Variants in ZNF385B observed in about 807,000 individuals in gnomAD.
The protein encoded by ZNF385B is zinc finger protein 385B, also known as zinc finger protein 533.
A neutral mutation model predicts 39.2 loss-of-function variants in ZNF385B; 23 were observed. That is an observed-to-expected ratio of 0.59 (90% CI 0.42 to 0.83). The LOEUF is 0.83. Ranked by LOEUF, ZNF385B falls within the 40% of genes least tolerant of loss-of-function variation. ZNF385B has a pLI of 0.00. For synonymous variants in ZNF385B, 205 were observed against 222.6 expected (o/e 0.92, Z 0.70); for missense variants, 552 against 598.9 (o/e 0.92, Z 0.82).
chr2:179,765,538 A>G (rs1703637300), intron 3 of ZNF385B, among the ~76,000 whole-genome samples: 1 of 152,212 alleles, frequency 6.6e-6, no homozygotes, highest in African/African-American at 2.4e-5. Flanking sequence ...TAGTTCATGC[A>G]GGAACTGTGA....
At chr2:179,637,041 G>A (rs1691824284) in intron 3 of ZNF385B, among the ~76,000 whole-genome samples, 1 of 152,144 alleles carries the variant, frequency 6.6e-6, no homozygotes, top group African/African-American at 2.4e-5. Context: ...CTCATAGCAA[G>A]TAATTTCTAG....
intron 3 of ZNF385B, among the ~76,000 whole-genome samples, chr2:179,555,890 C>T (rs1574776023): frequency 6.7e-6 from 1 of 149,234 alleles, no homozygotes; most frequent in East Asian, 1.9e-4. Flanking sequence ...CAGCAGCCAC[C>T]ATGGCAGCAG....
At chr2:179,824,250 G>A (rs1575558233) in intron 1 of ZNF385B, among the ~76,000 whole-genome samples, 1 of 152,074 alleles carries the variant, frequency 6.6e-6, no homozygotes, top group Non-Finnish European at 1.5e-5. Context: ...AAAGGGATGG[G>A]GCACACTGAT....
intron 3 of ZNF385B, among the ~76,000 whole-genome samples, chr2:179,675,202 T>A (rs1696585823): frequency 6.6e-6 from 1 of 152,222 alleles, no homozygotes; most frequent in Non-Finnish European, 1.5e-5. Flanking sequence ...AAGAAAATCT[T>A]ATTTAGAAAA....
At chr2:179,576,558 C>T (rs1685840145) in intron 3 of ZNF385B, among the ~76,000 whole-genome samples, 1 of 152,186 alleles carries the variant, frequency 6.6e-6, no homozygotes, top group Non-Finnish European at 1.5e-5. Flanking sequence ...TATTCCTTCA[C>T]TTTGTTCCTG....
At chr2:179,823,664 T>C (rs1294973433) in intron 1 of ZNF385B, among the ~76,000 whole-genome samples, 1 of 152,168 alleles carries the variant, frequency 6.6e-6, no homozygotes, top group Admixed American at 6.5e-5. Flanking sequence ...CCTATAAATA[T>C]GCATTTGTCT....
At chr2:179,616,831 G>A (rs577022334) in intron 3 of ZNF385B, among the ~76,000 whole-genome samples, 1 of 152,170 alleles carries the variant, frequency 6.6e-6, no homozygotes, top group South Asian at 2.1e-4. Flanking sequence ...AAAATGCTGG[G>A]ATTATAGGCG....
chr2:179,443,541 A>G (rs547265109), intron 9 of ZNF385B, 73 bp from the exon 10 acceptor site: 12 of 1,171,550 alleles, frequency 1.0e-5, no homozygotes, highest in Admixed American at 6.1e-5. Context: ...GCATCTTTTC[A>G]TAAGTAAAAC....
chr2:179,724,393 G>A (rs529157154), intron 3 of ZNF385B, among the ~76,000 whole-genome samples: 106 of 152,216 alleles, frequency 7.0e-4, no homozygotes, highest in African/African-American at 2.4e-3. Context: ...TATCAAGAAC[G>A]AAATCTACAG....
At chr2:179,755,146 G>A (rs1197567461) in intron 3 of ZNF385B, among the ~76,000 whole-genome samples, 1 of 152,096 alleles carries the variant, frequency 6.6e-6, no homozygotes, top group Non-Finnish European at 1.5e-5. Context: ...TGTTCTCATT[G>A]GTTTCAAAGA....
chr2:179,743,048 C>T (rs1032226009), intron 3 of ZNF385B, among the ~76,000 whole-genome samples: 6 of 151,966 alleles, frequency 3.9e-5, no homozygotes, highest in South Asian at 2.1e-4. Context: ...CTATGTAATA[C>T]GACAAATGTC....
At chr2:179,716,666 CT>C (rs950406545) in intron 3 of ZNF385B, among the ~76,000 whole-genome samples, 34 of 152,100 alleles carry the variant, frequency 2.2e-4, no homozygotes, top group African/African-American at 7.2e-4. Context: ...TGGCAAGTTG[CT>C]TTTAACCAAC....
chr2:179,503,818 T>A (rs1383612938), intron 5 of ZNF385B, among the ~76,000 whole-genome samples: 2 of 151,834 alleles, frequency 1.3e-5, no homozygotes, highest in Admixed American at 1.3e-4. Flanking sequence ...CATCATTTTT[T>A]ATGGCTGCAT....
intron 3 of ZNF385B, among the ~76,000 whole-genome samples, chr2:179,557,707 T>C (rs1188983410): frequency 6.6e-6 from 1 of 151,394 alleles, no homozygotes; most frequent in Non-Finnish European, 1.5e-5. Context: ...ATATATGTCA[T>C]ATACATGTTT....
intron 3 of ZNF385B, chr2:179,745,777 G>A: frequency 1.3e-6 from 2 of 1,529,796 alleles, no homozygotes; most frequent in Non-Finnish European, 1.8e-6. Flanking sequence ...CAACCAAGTT[G>A]GATAAACAAA....
intron 3 of ZNF385B, among the ~76,000 whole-genome samples, chr2:179,664,043 AGTTTT>A (rs1694835605): frequency 6.9e-6 from 1 of 145,566 alleles, no homozygotes; most frequent in Admixed American, 7.1e-5. Flanking sequence ...AATTATAAAT[AGTTTT>A]AAGTAAAAAA....
intron 3 of ZNF385B, among the ~76,000 whole-genome samples, chr2:179,759,693 GT>G (rs1458678800): frequency 6.6e-6 from 1 of 152,016 alleles, no homozygotes; most frequent in Non-Finnish European, 1.5e-5. Flanking sequence ...CCTCCATAAA[GT>G]TAATCATTCC....
At chr2:179,657,093 T>C (rs775194559) in intron 3 of ZNF385B, among the ~76,000 whole-genome samples, 24 of 152,278 alleles carry the variant, frequency 1.6e-4, no homozygotes, top group East Asian at 1.5e-3. Context: ...TCACTCTGTA[T>C]TGGGGCAGGG....
At chr2:179,692,618 G>T (rs1698441114) in intron 3 of ZNF385B, among the ~76,000 whole-genome samples, 1 of 152,178 alleles carries the variant, frequency 6.6e-6, no homozygotes, top group Admixed American at 6.5e-5. Context: ...ACTTTGATAT[G>T]CCAATTTCCT....
Sources: gnomAD v4.1 joint callset for allele counts (sites outside exome capture counted in the v4.1 genomes callset) on GRCh38, gnomAD v4.1.1 for gene constraint, MANE v1.5 for transcripts, NCBI Gene and HGNC (gene_info 2026-07-23, HGNC 2026-07-21) for gene names.